Variants in UST observed in about 807,000 individuals in gnomAD.
UST encodes uronyl 2-sulfotransferase.
In UST, 21 loss-of-function variants were observed where a neutral mutation model predicts 45.6. That is an observed-to-expected ratio of 0.46 (90% CI 0.33 to 0.66). The LOEUF (loss-of-function observed/expected upper bound fraction) is 0.66, where lower values mean the gene tolerates loss of function less well. Among genes scored for constraint, UST ranks in the 30% least tolerant of loss-of-function variants. The pLI is 0.02. For synonymous variants in UST, 215 were observed against 200.6 expected, an observed-to-expected ratio of 1.07 and a Z score of -0.61; for missense variants, 463 against 512.4, an observed-to-expected ratio of 0.90 and a Z score of 0.93.
Position 148,981,134 on chromosome 6 carries a change from T to G in UST, c.681+16571T>G, listed in dbSNP as rs142222206. ...TGAGATGTTCTCCCTTTTCTAGAAT[T>G]CCAGTTGCCCATGTGCTTTACACCA... On this transcript the variant is annotated intron_variant, in intron 5 of 7. Transcript: ENST00000367463. 4.9e-3 allele frequency among the ~76,000 whole-genome samples: 751 copies of G among 152,336 alleles called. 1 individual carries two copies. Among genetic ancestry groups the G allele is most frequent in the Non-Finnish European group, 7.2e-3 (490 of 68,016 alleles).
At chr6:149,060,744 G>A (rs1776641938) in intron 7 of UST, among the ~76,000 whole-genome samples, 1 of 152,136 alleles carries the variant, frequency 6.6e-6, no homozygotes, top group Admixed American at 6.5e-5. Context: ...CCGTGTGCTG[G>A]GAATCTCTGG....
chr6:148,889,545 C>T (rs1392022151), intron 2 of UST, among the ~76,000 whole-genome samples: 1 of 152,116 alleles, frequency 6.6e-6, no homozygotes, highest in Non-Finnish European at 1.5e-5. Flanking sequence ...CTCCATAGCC[C>T]CCTGCCCTGT....
intron 2 of UST, among the ~76,000 whole-genome samples, chr6:148,910,383 G>A (rs1289318286): frequency 2.0e-5 from 3 of 151,982 alleles, no homozygotes; most frequent in East Asian, 1.9e-4. Flanking sequence ...CAGGTGATCC[G>A]CCCGCCTGAA....
intron 1 of UST, among the ~76,000 whole-genome samples, chr6:148,804,241 TAGAG>T (rs1003660110): frequency 2.0e-5 from 3 of 152,290 alleles, no homozygotes; most frequent in African/African-American, 4.8e-5. Flanking sequence ...ATCTCAGAGA[TAGAG>T]AGAGGGAAAT....
chr6:149,036,825 T>C (rs760107756), intron 7 of UST, among the ~76,000 whole-genome samples: 7 of 152,198 alleles, frequency 4.6e-5, no homozygotes, highest in Admixed American at 1.3e-4. Context: ...GACATTACCA[T>C]GATGAAGCTC....
Position 149,074,217 on chromosome 6 carries a change from T to A in UST, c.*101T>A. 2 of 1,324,676 alleles carry A rather than the reference T, an allele frequency of 1.5e-6. No individual in the cohort carries two copies. Among genetic ancestry groups the A allele is most frequent in the Non-Finnish European group, 2.1e-6 (2 of 961,756 alleles). 82.1% of individuals were successfully genotyped at this position (1,324,676 alleles called of 1,614,324 possible). On this transcript the variant is annotated 3_prime_UTR_variant, in exon 8 of 8. Coordinates refer to ENST00000367463, the MANE Select transcript of UST (RefSeq NM_005715.3). Reference sequence around the variant, plus strand: ...GGACTAAATTAATGCTTGGGTGCATTAAAAAGAACAAAACATTCCCACATG... The same window carrying A: ...GGACTAAATTAATGCTTGGGTGCATAAAAAAGAACAAAACATTCCCACATG...
chr6:148,767,258 A>G (rs1005466238), intron 1 of UST, among the ~76,000 whole-genome samples: 2 of 152,252 alleles, frequency 1.3e-5, no homozygotes, highest in African/African-American at 4.8e-5. Context: ...CTGAATTTTC[A>G]TTCACCAGTT....
chr6:148,756,692 C>T (rs1397278869), intron 1 of UST, among the ~76,000 whole-genome samples: 1 of 152,184 alleles, frequency 6.6e-6, no homozygotes, highest in Admixed American at 6.5e-5. Flanking sequence ...TTTTGACATT[C>T]TACCTTGTAT....
rs534726313 is a variant in UST at position 148,880,426 on chromosome 6, A to G, written c.248-6560A>G. Among the ~76,000 whole-genome samples the G allele has an allele frequency of 3.3e-5, 5 of 152,332 alleles. No individual in the cohort carries two copies. The South Asian group carries it at 1.0e-3, about 32-fold the overall frequency. On this transcript the variant is annotated intron_variant, in intron 1 of 7. Coordinates refer to ENST00000367463, the MANE Select transcript of UST (RefSeq NM_005715.3). Reference sequence around the variant, plus strand: ...CCTAATTCCTAGAATCAGACTTCACATGAGTTTCTTGAAATGCATCTTTGC... The same window carrying G: ...CCTAATTCCTAGAATCAGACTTCACGTGAGTTTCTTGAAATGCATCTTTGC...
chr6:148,810,131 C>T (rs1220140386), intron 1 of UST, among the ~76,000 whole-genome samples: 2 of 152,166 alleles, frequency 1.3e-5, no homozygotes, highest in Non-Finnish European at 2.9e-5. Context: ...CAGAAGCAAG[C>T]TGAACATTAA....
At chr6:148,753,873 T>G (rs937780319) in intron 1 of UST, among the ~76,000 whole-genome samples, 12 of 152,250 alleles carry the variant, frequency 7.9e-5, no homozygotes, top group African/African-American at 2.7e-4. Flanking sequence ...GCCATCTTAA[T>G]GGGTATGAAG....
chr6:148,876,905 A>C (rs948574634), intron 1 of UST, among the ~76,000 whole-genome samples: 9 of 138,748 alleles, frequency 6.5e-5, no homozygotes, highest in Admixed American at 1.6e-4. Flanking sequence ...ACCAGAGGGT[A>C]TCTTTGCTTC....
At chr6:149,046,582 C>A (rs751742776) in intron 7 of UST, among the ~76,000 whole-genome samples, 1 of 152,224 alleles carries the variant, frequency 6.6e-6, no homozygotes. Context: ...GTTTAACTGT[C>A]GGCAATCTCC....
intron 3 of UST, among the ~76,000 whole-genome samples, chr6:148,952,975 GTTAGT>G: frequency 6.6e-6 from 1 of 152,206 alleles, no homozygotes; most frequent in African/African-American, 2.4e-5. Flanking sequence ...GGCCATAAAA[GTTAGT>G]TTATACGAAT....
intron 1 of UST, among the ~76,000 whole-genome samples, chr6:148,803,169 A>T (rs1777082527): frequency 6.6e-6 from 1 of 152,188 alleles, no homozygotes; most frequent in South Asian, 2.1e-4. Flanking sequence ...CTGCCAAAGA[A>T]GCCTGGTACT....
At chr6:148,807,066 A>C (rs900914241) in intron 1 of UST, among the ~76,000 whole-genome samples, 2 of 152,238 alleles carry the variant, frequency 1.3e-5, no homozygotes, top group African/African-American at 4.8e-5. Context: ...GTGTATTGAA[A>C]GTAGCTAAGT....
At chr6:149,049,854 T>A (rs946562043) in intron 7 of UST, among the ~76,000 whole-genome samples, 1 of 151,992 alleles carries the variant, frequency 6.6e-6, no homozygotes, top group African/African-American at 2.4e-5. Context: ...GTCCTTTGGA[T>A]TTCATCAGTT....
chr6:149,047,777 TA>T lies in UST; in HGVS notation c.938-26055del, dbSNP rs546860917. Among the ~76,000 whole-genome samples the T allele has an allele frequency of 7.3e-3, 1,112 of 152,306 alleles. 14 individuals are homozygous for T. The highest frequency in any genetic ancestry group is 0.026 in the African/African-American group (1,062 of 41,550). On this transcript the variant is annotated intron_variant, in intron 7 of 7. Transcript: ENST00000367463. ...CCTCACATGAGCATATAATTTAAAG[TA>T]TTTTTTTTTAGCTTAAAGTGATTCT...
chr6:148,935,461 A>G (rs899862659), intron 2 of UST, among the ~76,000 whole-genome samples: 8 of 152,186 alleles, frequency 5.3e-5, no homozygotes, highest in African/African-American at 1.9e-4. Flanking sequence ...GATAATAGGA[A>G]CATTAAAGTA....
Sources: allele counts gnomAD v4.1 joint callset (sites outside exome capture counted in the v4.1 genomes callset), GRCh38; gene constraint gnomAD v4.1.1; transcripts MANE v1.5; gene names NCBI Gene and HGNC (gene_info 2026-07-23, HGNC 2026-07-21).